Variants in SUPT3H observed in about 807,000 individuals in gnomAD.
SUPT3H encodes the protein transcription initiation protein SPT3 homolog.
SUPT3H carries 44 observed loss-of-function variants against 44.3 expected under a neutral mutation model. That is an observed-to-expected ratio of 0.99 (90% CI 0.78 to 1.28). The LOEUF (loss-of-function observed/expected upper bound fraction) is 1.28. SUPT3H is among the 50% of genes most tolerant of loss of function. The pLI is 0.00. For missense variants in SUPT3H, 380 were observed against 387.1 expected, an observed-to-expected ratio of 0.98 and a Z score of 0.15; for synonymous variants, 124 against 125.6, an observed-to-expected ratio of 0.99 and a Z score of 0.09.
At chr6:44,951,751 TAAAG>T (rs751858517) in intron 9 of SUPT3H, among the ~76,000 whole-genome samples, 2 of 152,174 alleles carry the variant, frequency 1.3e-5, no homozygotes, top group South Asian at 4.1e-4. Flanking sequence ...AGAGGGGAAA[TAAAG>T]AGTTTTCCTA....
chr6:45,360,585 A>C (rs1202044022), intron 2 of SUPT3H, among the ~76,000 whole-genome samples: 1 of 152,208 alleles, frequency 6.6e-6, no homozygotes, highest in African/African-American at 2.4e-5. Flanking sequence ...TTCACAGCTC[A>C]TATCTTCATA....
intron 9 of SUPT3H, among the ~76,000 whole-genome samples, chr6:44,935,723 G>A (rs998862498): frequency 2.0e-5 from 3 of 152,178 alleles, no homozygotes; most frequent in Non-Finnish European, 4.4e-5. Context: ...AGCATATGGA[G>A]TTCTACATAT....
At chr6:44,938,136 A>T (rs1172196087) in intron 9 of SUPT3H, among the ~76,000 whole-genome samples, 1 of 151,506 alleles carries the variant, frequency 6.6e-6, no homozygotes, top group Non-Finnish European at 1.5e-5. Flanking sequence ...CTTAGTCATG[A>T]ATTCTTCACC....
rs1235216245 is a variant in SUPT3H, at chr6:44,930,177, G to C, written c.912+2476C>G. 3.3e-5 allele frequency among the ~76,000 whole-genome samples: 5 copies of C among 152,202 alleles called. 1 individual carries two copies. The highest frequency in any genetic ancestry group is 3.9e-4 in the East Asian group (2 of 5,156). ...GCAGATCATGAGGTCAGGAGATCGA[G>C]ACCATCCTGGCTAACATGGTGAAAC... On this transcript the variant is annotated intron_variant, in intron 10 of 10. Coordinates refer to ENST00000371459, the MANE Select transcript of SUPT3H (RefSeq NM_003599.4).
In SUPT3H at chr6:45,018,437, G is replaced by A. The variant is rs1166846445; in HGVS notation, c.273+2109C>T. ...CCTGTCTTGTGCCAGTTTTCAAAGGGAATGCTTCCAGTTTTTGCCCATTCA... is the reference window on the plus strand; with the variant it reads ...CCTGTCTTGTGCCAGTTTTCAAAGGAAATGCTTCCAGTTTTTGCCCATTCA... On this transcript the variant is annotated intron_variant, in intron 4 of 10. Coordinates refer to ENST00000371459, the MANE Select transcript of SUPT3H (RefSeq NM_003599.4). Among the ~76,000 whole-genome samples, 280 of 151,562 alleles carry A rather than the reference G, an allele frequency of 1.8e-3. 1 individual carries two copies. Among genetic ancestry groups the A allele is most frequent in the African/African-American group, 6.3e-3 (259 of 41,398 alleles).
chr6:45,254,531 A>C (rs2153654488), intron 2 of SUPT3H, among the ~76,000 whole-genome samples: 1 of 152,360 alleles, frequency 6.6e-6, no homozygotes, highest in Non-Finnish European at 1.5e-5. Flanking sequence ...TTCTAAGTGC[A>C]GAAGTTCAGA....
At chr6:45,302,066 G>A (rs1782209567) in intron 2 of SUPT3H, among the ~76,000 whole-genome samples, 1 of 152,166 alleles carries the variant, frequency 6.6e-6, no homozygotes, top group Non-Finnish European at 1.5e-5. Context: ...TGATAAGGAA[G>A]TCCCCTCTGC....
chr6:45,029,043 T>C (rs1786499175), intron 3 of SUPT3H, among the ~76,000 whole-genome samples: 3 of 151,998 alleles, frequency 2.0e-5, no homozygotes, highest in African/African-American at 4.8e-5. Context: ...AAAGTTAACA[T>C]TCAGAATACT....
intron 6 of SUPT3H, 31 bp downstream of exon 6, chr6:45,003,622 A>G (rs1325225446): frequency 1.2e-6 from 2 of 1,607,706 alleles, no homozygotes; most frequent in East Asian, 2.2e-5. Context: ...TGATTGTTCT[A>G]TTTCTGTAAA....
chr6:45,083,901 T>C (rs559652379), intron 3 of SUPT3H, among the ~76,000 whole-genome samples: 9 of 152,188 alleles, frequency 5.9e-5, no homozygotes, highest in Non-Finnish European at 1.0e-4. Context: ...TAGACCTTCA[T>C]TGGATACATT....
intron 2 of SUPT3H, among the ~76,000 whole-genome samples, chr6:45,283,175 A>C (rs948247977): frequency 6.6e-6 from 1 of 152,196 alleles, no homozygotes; most frequent in Non-Finnish European, 1.5e-5. Flanking sequence ...AAACTGCATC[A>C]ACTAACGAGC....
intron 10 of SUPT3H, among the ~76,000 whole-genome samples, chr6:44,869,932 T>A (rs1308994133): frequency 1.3e-5 from 2 of 152,228 alleles, no homozygotes; most frequent in African/African-American, 4.8e-5. Flanking sequence ...CAATATCTCT[T>A]TTCATTTCCC....
At chr6:45,182,531 G>C (rs1387434174) in intron 2 of SUPT3H, among the ~76,000 whole-genome samples, 2 of 152,182 alleles carry the variant, frequency 1.3e-5, no homozygotes, top group Non-Finnish European at 2.9e-5. Context: ...CAAAAGGCTG[G>C]GATTACAGGC....
Position 45,054,970 on chromosome 6 carries a change from A to G in SUPT3H, c.187-34338T>C, listed in dbSNP as rs934990221. On this transcript the variant is annotated intron_variant, in intron 3 of 10. Transcript: ENST00000371459. ...CATTAAAACTTGCTGCCCCAGGGGT[A>G]ATCACTAAAAAGCCATGTTTAAGCA... Among the ~76,000 whole-genome samples the G allele has an allele frequency of 2.0e-5, 3 of 152,184 alleles. No homozygotes were observed. In the South Asian group the frequency reaches 6.2e-4, roughly 32 times the overall value.
chr6:45,042,733 A>C (rs1012043732), intron 3 of SUPT3H, among the ~76,000 whole-genome samples: 3 of 152,104 alleles, frequency 2.0e-5, no homozygotes, highest in African/African-American at 7.2e-5. Context: ...TTGACCCAGC[A>C]ATCCCATTAC....
chr6:44,906,138 C>G (rs977061886), intron 10 of SUPT3H, among the ~76,000 whole-genome samples: 5 of 152,150 alleles, frequency 3.3e-5, no homozygotes, highest in African/African-American at 1.2e-4. Flanking sequence ...CTAACCTGCA[C>G]ATTGTGCACA....
chr6:44,888,662 C>T (rs1446321651), intron 10 of SUPT3H, among the ~76,000 whole-genome samples: 1 of 152,014 alleles, frequency 6.6e-6, no homozygotes, highest in Admixed American at 6.6e-5. Flanking sequence ...CAATATCATA[C>T]TGAATGGGCA....
rs537309178 is a variant in SUPT3H at position 45,231,168 on chromosome 6, T to C, written c.102-125162A>G. On this transcript the variant is annotated intron_variant, in intron 2 of 10. Coordinates refer to ENST00000371459, the MANE Select transcript of SUPT3H (RefSeq NM_003599.4). ...TTTGAGTCTTTTTTTCTTCCTCATT[T>C]GTTGCTTTACCAGTGAGTTTTATAC... 1.2e-4 allele frequency among the ~76,000 whole-genome samples: 18 copies of C among 152,296 alleles called. No individual in the cohort carries two copies. The South Asian group carries it at 3.7e-3, about 32-fold the overall frequency.
At chr6:45,297,668 C>T (rs1297798721) in intron 2 of SUPT3H, among the ~76,000 whole-genome samples, 1 of 152,148 alleles carries the variant, frequency 6.6e-6, no homozygotes, top group African/African-American at 2.4e-5. Context: ...AAACTACACA[C>T]ACACAATGTT....
Sources: allele counts gnomAD v4.1 joint callset (sites outside exome capture counted in the v4.1 genomes callset), GRCh38; gene constraint gnomAD v4.1.1; transcripts MANE v1.5; gene names NCBI Gene and HGNC (gene_info 2026-07-23, HGNC 2026-07-21).